Variants in ADCY7 observed in about 807,000 individuals in gnomAD.
The protein encoded by ADCY7 is adenylate cyclase type 7.
In ADCY7, 72 loss-of-function variants were observed where a neutral mutation model predicts 120.6. The observed-to-expected ratio is 0.60, with a 90% CI of 0.49 to 0.73. The LOEUF (loss-of-function observed/expected upper bound fraction) is 0.73, where lower values mean the gene tolerates loss of function less well. Among genes scored for constraint, ADCY7 ranks in the 30% least tolerant of loss-of-function variants. The pLI is 0.00. For synonymous variants in ADCY7, 661 were observed against 628.0 expected, an observed-to-expected ratio of 1.05 and a Z score of -0.78; for missense variants, 1,227 against 1,486.0, an observed-to-expected ratio of 0.83 and a Z score of 2.87.
chr16:50,282,314 A>G (rs892219028), intron 1 of ADCY7, among the ~76,000 whole-genome samples: 3 of 152,178 alleles, frequency 2.0e-5, no homozygotes, highest in African/African-American at 7.2e-5. Flanking sequence ...TTTTCCGAGC[A>G]CCCAGGGACC....
chr16:50,272,367 C>T (rs1254170542), intron 1 of ADCY7, among the ~76,000 whole-genome samples: 1 of 152,160 alleles, frequency 6.6e-6, no homozygotes, highest in African/African-American at 2.4e-5. Context: ...TGTAACTGGC[C>T]AGCTTTCCTC....
intron 7 of ADCY7, among the ~76,000 whole-genome samples, chr16:50,296,232 T>G (rs2035340465): frequency 6.6e-6 from 1 of 152,100 alleles, no homozygotes; most frequent in African/African-American, 2.4e-5. Flanking sequence ...TTTTTGTATT[T>G]TGTGGAGATG....
intron 1 of ADCY7, among the ~76,000 whole-genome samples, chr16:50,285,882 G>A (rs149743959): frequency 0.011 from 1,713 of 152,302 alleles, 22 homozygotes; most frequent in Middle Eastern, 0.024. Context: ...GCTGGCAGGC[G>A]TAGGTGTGAT....
At chr16:50,265,815 C>T (rs958782248), upstream of ADCY7, among the ~76,000 whole-genome samples, 1 of 152,226 alleles carries the variant, frequency 6.6e-6, no homozygotes, top group East Asian at 1.9e-4. Context: ...GAGGCCTCCC[C>T]CTCTGTTTTG....
chr16:50,264,890 G>A (rs1259939690), upstream of ADCY7, among the ~76,000 whole-genome samples: 2 of 145,418 alleles, frequency 1.4e-5, no homozygotes, highest in Admixed American at 7.0e-5. Flanking sequence ...AGGCTGGAGT[G>A]CAGTGGTGTG....
At chr16:50,292,222 C>T (rs1340510608) in intron 4 of ADCY7, among the ~76,000 whole-genome samples, 7 of 152,220 alleles carry the variant, frequency 4.6e-5, no homozygotes, top group African/African-American at 1.2e-4. Flanking sequence ...CCTGTCCTGG[C>T]GGGGCTTGGG....
In ADCY7 at chr16:50,305,932, G is replaced by A. The variant is rs553249209; in HGVS notation, c.1752+83G>A. The A allele has an allele frequency of 7.2e-4, 1,004 of 1,401,926 alleles. 4 individuals are homozygous for A. Among genetic ancestry groups the A allele is most frequent in the Non-Finnish European group, 9.2e-4 (917 of 992,826 alleles). 86.8% of individuals were successfully genotyped at this position (1,401,926 alleles called of 1,614,324 possible). A position where few individuals can be genotyped will look rare whatever the true frequency, so the allele number is the denominator to read the frequency against. ...GGTGGGGGACGCAGGTCATGGGGCA[G>A]CCTGCGTTCCCAAGACCGGCTAGGG... On this transcript the variant is annotated intron_variant, in intron 14 of 25. Coordinates refer to ENST00000673801, the MANE Select transcript of ADCY7 (RefSeq NM_001114.5).
chr16:50,314,803 C>T (rs529824853), intron 24 of ADCY7: 28 of 587,818 alleles, frequency 4.8e-5, no homozygotes, highest in African/African-American at 4.6e-4. Flanking sequence ...CAAACCCAGA[C>T]TTCTGAGTCT....
At chr16:50,266,782 G>C (rs898544476) in intron 1 of ADCY7, 102 bp downstream of exon 1, 1 of 152,730 alleles carries the variant, frequency 6.5e-6, no homozygotes, top group East Asian at 1.9e-4. Flanking sequence ...CCGGCAGCCT[G>C]GCCTGGGAGT....
intron 24 of ADCY7, 51 bp downstream of exon 24, chr16:50,314,457 C>G: frequency 7.1e-7 from 1 of 1,414,222 alleles, no homozygotes; most frequent in Non-Finnish European, 9.9e-7. Flanking sequence ...CTAGGCCAGT[C>G]CACCCAGTCT....
intron 1 of ADCY7, among the ~76,000 whole-genome samples, chr16:50,256,632 T>C (rs919329022): frequency 6.6e-6 from 1 of 151,914 alleles, no homozygotes; most frequent in Non-Finnish European, 1.5e-5. Context: ...GAGCCCAGAA[T>C]TCAGAGGCTG....
intron 6 of ADCY7, among the ~76,000 whole-genome samples, chr16:50,294,057 G>C (rs559698449): frequency 1.3e-5 from 2 of 152,250 alleles, no homozygotes; most frequent in East Asian, 1.9e-4. Context: ...TCCAAGGCTG[G>C]CCCGCTGCCT....
At chr16:50,312,783 A>G (rs2036558950) in intron 21 of ADCY7, 107 bp from the exon 22 acceptor site, 4 of 842,632 alleles carry the variant, frequency 4.7e-6, no homozygotes, top group Non-Finnish European at 6.8e-6. Flanking sequence ...CACTCCCCGA[A>G]AGCTGGGCTG....
Position 50,290,602 on chromosome 16 carries a change from C to T in ADCY7, c.317C>T (p.Ala106Val), listed in dbSNP as rs775397178. 20 of 1,614,014 alleles carry T rather than the reference C, an allele frequency of 1.2e-5. No individual in the cohort carries two copies. The highest frequency in any genetic ancestry group is 8.3e-5 in the Admixed American group (5 of 60,004). ...CTGCTCACCTGGGCCTGCTTGGTGG[C>T]GCTGGGCTATGTGCTGGTGTTCGAC... ...LALLTWACLV[A>V]LGYVLVFDAW... Residue 106 changes from alanine (A) to valine (V), a missense_variant, in exon 3 of 26, where the codon GCG becomes GTG. This residue lies in a region of ADCY7 where 382 missense variants were observed against 411.4 expected (regional missense o/e 0.93). Transcript: ENST00000673801.
chr16:50,256,819 G>C (rs1312155958), intron 1 of ADCY7, among the ~76,000 whole-genome samples: 1 of 152,152 alleles, frequency 6.6e-6, no homozygotes, highest in East Asian at 1.9e-4. Flanking sequence ...CCTTCCGCTT[G>C]TGGGTACATA....
chr16:50,307,677 T>C (rs1269803065), intron 15 of ADCY7, among the ~76,000 whole-genome samples: 1 of 152,062 alleles, frequency 6.6e-6, no homozygotes, highest in African/African-American at 2.4e-5. Context: ...TCGACCAGGA[T>C]TGTGGTTTTG....
At chr16:50,259,456 C>T (rs760970169) in intron 1 of ADCY7, among the ~76,000 whole-genome samples, 7 of 152,198 alleles carry the variant, frequency 4.6e-5, no homozygotes, top group Non-Finnish European at 8.8e-5. Flanking sequence ...GTTGGCAGGG[C>T]GGTTGCTTTC....
rs748902149 is a variant in ADCY7, at chr16:50,292,784, A to G, written c.646A>G (p.Ile216Val). ...RDLFTYTVKC[I>V]QIRRKLRIEK... ...CCTCTTCACCTACACTGTGAAGTGC[A>G]TCCAGATCCGCCGGAAGCTGCGCAT... The change falls in exon 5 of 26, where the codon ATC becomes GTC. Residue 216 changes from isoleucine (I) to valine (V), a missense_variant. Physicochemically the swap from Ile to Val is conservative, Grantham distance 29 (BLOSUM62 3). Transcript: ENST00000673801. The G allele has an allele frequency of 1.2e-6, 2 of 1,613,854 alleles. No individual in the cohort carries two copies. The highest frequency in any genetic ancestry group is 2.2e-5 in the South Asian group (2 of 91,082).
chr16:50,249,617 A>G (rs912153231), intron 1 of ADCY7, among the ~76,000 whole-genome samples: 1 of 152,124 alleles, frequency 6.6e-6, no homozygotes, highest in African/African-American at 2.4e-5. Flanking sequence ...CCTCGACTAT[A>G]CTGTAAGGGG....
Sources: allele counts gnomAD v4.1 joint callset (sites outside exome capture counted in the v4.1 genomes callset), GRCh38; gene constraint gnomAD v4.1.1; regional missense constraint gnomAD v4.1.1; transcripts MANE v1.5; gene names NCBI Gene and HGNC (gene_info 2026-07-23, HGNC 2026-07-21).